Variants in PAK3 observed in about 807,000 individuals in gnomAD.
PAK3 encodes the protein p21 (RAC1) activated kinase 3.
PAK3 carries 4 observed loss-of-function variants against 41.0 expected under a neutral mutation model. The ratio of observed to expected loss-of-function variants is 0.10; its 90% CI spans 0.05 to 0.22. The LOEUF (loss-of-function observed/expected upper bound fraction) is 0.22, where lower values mean the gene tolerates loss of function less well. Among genes scored for constraint, PAK3 ranks in the 10% least tolerant of loss-of-function variants. The pLI is 1.00. For missense variants in PAK3, 205 were observed against 409.9 expected, an observed-to-expected ratio of 0.50 and a Z score of 4.32; for synonymous variants, 146 against 139.6, an observed-to-expected ratio of 1.05 and a Z score of -0.32.
intron 1 of PAK3, among the ~76,000 whole-genome samples, chrX:111,007,337 C>T (rs1282441074): frequency 9.0e-6 from 1 of 111,348 alleles, no homozygotes; most frequent in East Asian, 2.8e-4. Flanking sequence ...TAAGCATAAA[C>T]AAAGGCTTGC....
At chrX:111,042,695 G>A (rs1424172386) in intron 1 of PAK3, among the ~76,000 whole-genome samples, 2 of 112,050 alleles carry the variant, frequency 1.8e-5, no homozygotes, top group East Asian at 5.6e-4. Flanking sequence ...ATGGCCAAGT[G>A]TCCAAAAAAC....
chrX:111,154,109 A>G (rs772358968), intron 8 of PAK3, among the ~76,000 whole-genome samples: 86 of 111,838 alleles, frequency 7.7e-4, no homozygotes, highest in African/African-American at 2.7e-3. Context: ...ATAGAGACAG[A>G]AAGTAGAATA....
At chrX:111,003,984 T>A (rs770994341) in intron 1 of PAK3, among the ~76,000 whole-genome samples, 1 of 112,227 alleles carries the variant, frequency 8.9e-6, no homozygotes, top group East Asian at 2.8e-4. Flanking sequence ...ATGAAAATAA[T>A]ACAACATACC....
At chrX:111,029,792 G>T (rs1285539710) in intron 1 of PAK3, among the ~76,000 whole-genome samples, 1 of 102,459 alleles carries the variant, frequency 9.8e-6, no homozygotes, top group Admixed American at 1.0e-4. Context: ...GTTATTCAAG[G>T]TTTACAGCAT....
At chrX:111,117,441 T>C (rs913780017) in intron 4 of PAK3, among the ~76,000 whole-genome samples, 1 of 111,608 alleles carries the variant, frequency 9.0e-6, no homozygotes, top group African/African-American at 3.3e-5. Context: ...GAGATGATAC[T>C]TTCTTCTTCG....
At chrX:111,085,179 T>A (rs1478250100) in intron 1 of PAK3, among the ~76,000 whole-genome samples, 2 of 112,145 alleles carry the variant, frequency 1.8e-5, no homozygotes, top group African/African-American at 6.5e-5. Context: ...TTTTTTAAAG[T>A]AATACGTCAT....
chrX:111,155,486 G>C (rs2094093330), intron 8 of PAK3, among the ~76,000 whole-genome samples: 2 of 102,023 alleles, frequency 2.0e-5, no homozygotes, highest in Admixed American at 2.1e-4. Flanking sequence ...GGGTGACAGA[G>C]CAAAACCCTG....
At chrX:111,053,338 G>A (rs779839940) in intron 1 of PAK3, among the ~76,000 whole-genome samples, 1 of 111,359 alleles carries the variant, frequency 9.0e-6, no homozygotes, top group Non-Finnish European at 1.9e-5. Context: ...ATGGGGAAAG[G>A]CTTGATGTCT....
intron 1 of PAK3, among the ~76,000 whole-genome samples, chrX:110,972,804 T>G (rs2091239515): frequency 9.0e-6 from 1 of 111,111 alleles, no homozygotes; most frequent in South Asian, 3.8e-4. Context: ...ACAAGGAAGC[T>G]AAAAACCTTG....
chrX:110,986,599 T>C (rs2091548901), intron 1 of PAK3, among the ~76,000 whole-genome samples: 2 of 111,862 alleles, frequency 1.8e-5, no homozygotes, highest in South Asian at 7.6e-4. Context: ...CACAAATTCA[T>C]GGGCTGTATT....
At chrX:111,110,218 T>C (rs762077623) in intron 4 of PAK3, among the ~76,000 whole-genome samples, 165 of 112,440 alleles carry the variant, frequency 1.5e-3, no homozygotes, top group African/African-American at 5.2e-3. Context: ...TCAAAGCAGT[T>C]CCCAAATGTG....
chrX:111,065,425 A>G lies in PAK3; in HGVS notation c.-27-57652A>G, dbSNP rs183798805. On this transcript the variant is annotated intron_variant, in intron 1 of 14. Coordinates refer to the PAK3 transcript ENST00000425146. ...TAAGCCTATTTAAATGTGGTGAATTATCTTTTTGATGTGCTGCTGGATTCG... is the reference window on the plus strand; with the variant it reads ...TAAGCCTATTTAAATGTGGTGAATTGTCTTTTTGATGTGCTGCTGGATTCG... 4.5e-5 allele frequency among the ~76,000 whole-genome samples: 5 copies of G among 110,911 alleles called. No homozygotes were observed. In the East Asian group the frequency reaches 1.4e-3, roughly 31 times the overall value.
intron 1 of PAK3, 180 bp downstream of exon 1, chrX:111,096,595 G>A (rs1424332160): frequency 9.0e-6 from 1 of 111,098 alleles, no homozygotes; most frequent in Non-Finnish European, 1.9e-5. Context: ...CGAGCAGTTT[G>A]CATGATCCCA....
chrX:111,061,794 C>T (rs747457603), intron 1 of PAK3, among the ~76,000 whole-genome samples: 43 of 110,185 alleles, frequency 3.9e-4, no homozygotes, highest in Non-Finnish European at 6.6e-4. Flanking sequence ...ATTAATTTTG[C>T]TTTGTGAACC....
rs767565064 is a variant in PAK3, at chrX:111,205,035, A to G, written c.1407+8395A>G. On this transcript the variant is annotated intron_variant, in intron 16 of 17. Coordinates refer to ENST00000372007, the MANE Select transcript of PAK3 (RefSeq NM_002578.5). The stretch of plus-strand genomic sequence containing the variant: ...TCTAGTGTCTCTACCAACTGTTCGC[A>G]TTATGCGGGTTAAAGAGTGAATTGT... 8.6e-4 allele frequency among the ~76,000 whole-genome samples: 89 copies of G among 103,500 alleles called. 1 individual carries two copies. Among genetic ancestry groups the G allele is most frequent in the South Asian group, 7.6e-3 (17 of 2,225 alleles). The allele number at this position is 103,500 out of a possible 115,157, so 89.9% of individuals were successfully genotyped here.
At chrX:111,199,227 A>G (rs940319889) in intron 16 of PAK3, among the ~76,000 whole-genome samples, 3 of 111,890 alleles carry the variant, frequency 2.7e-5, no homozygotes, top group South Asian at 3.8e-4. Flanking sequence ...GGCTTTGGGC[A>G]GAGACTATGG....
At position 111,195,440 on chromosome X, in the gene PAK3, T is replaced by A; in HGVS notation, c.1111-402T>A. Among the ~76,000 whole-genome samples the A allele has an allele frequency of 2.7e-5, 3 of 112,267 alleles. 1 individual carries two copies. The Middle Eastern group carries it at 0.014, about 522-fold the overall frequency. On this transcript the variant is annotated intron_variant, in intron 14 of 17. Coordinates refer to ENST00000372007, the MANE Select transcript of PAK3 (RefSeq NM_002578.5). ...AATAGTTTGGGGCACTTGTTTTAAA[T>A]GCAGATTCCTGGGTTTCATGCCAGA...
At chrX:111,044,627 T>C (rs1403191540) in intron 1 of PAK3, among the ~76,000 whole-genome samples, 6 of 112,027 alleles carry the variant, frequency 5.4e-5, no homozygotes, top group South Asian at 7.5e-4. Flanking sequence ...CTAATTACCA[T>C]GAATGATCAA....
At chrX:110,997,054 C>T (rs905867570) in intron 1 of PAK3, among the ~76,000 whole-genome samples, 2 of 111,725 alleles carry the variant, frequency 1.8e-5, no homozygotes, top group Non-Finnish European at 3.8e-5. Context: ...GGATGACGAA[C>T]TTTTAAGGCA....
Sources: gnomAD v4.1 joint callset for allele counts (sites outside exome capture counted in the v4.1 genomes callset) on GRCh38, gnomAD v4.1.1 for gene constraint, MANE v1.5 for transcripts, NCBI Gene and HGNC (gene_info 2026-07-23, HGNC 2026-07-21) for gene names.